Variants in TMEM132D observed in about 807,000 individuals in gnomAD.
TMEM132D encodes transmembrane protein 132D, also known as mature OL transmembrane protein.
A neutral mutation model predicts 62.3 loss-of-function variants in TMEM132D; 21 were observed. That is an observed-to-expected ratio of 0.34 (90% confidence interval 0.24 to 0.49). TMEM132D has a LOEUF of 0.49. Ranked by LOEUF, TMEM132D falls within the 20% of genes least tolerant of loss-of-function variation. TMEM132D has a pLI of 0.99. For missense variants in TMEM132D, 1,346 were observed against 1,402.8 expected (o/e 0.96, Z 0.65); for synonymous variants, 621 against 575.6 (o/e 1.08, Z -1.13).
intron 1 of TMEM132D, among the ~76,000 whole-genome samples, chr12:129,806,952 C>T (rs997554754): frequency 3.3e-5 from 5 of 152,080 alleles, no homozygotes; most frequent in African/African-American, 1.2e-4. Flanking sequence ...GAGGATCATT[C>T]AAGCCTGGGA....
chr12:129,196,982 C>T (rs973134610), intron 5 of TMEM132D, among the ~76,000 whole-genome samples: 4 of 152,182 alleles, frequency 2.6e-5, no homozygotes, highest in South Asian at 2.1e-4. Flanking sequence ...AGTCACCACC[C>T]GTGAAGAAAA....
At chr12:129,667,664 T>A (rs981674120) in intron 2 of TMEM132D, among the ~76,000 whole-genome samples, 13 of 152,040 alleles carry the variant, frequency 8.6e-5, no homozygotes, top group Non-Finnish European at 1.8e-4. Flanking sequence ...GCAAAATATT[T>A]TTTTCTAACC....
chr12:129,132,644 C>A (rs142233475), intron 5 of TMEM132D, among the ~76,000 whole-genome samples: 1,888 of 152,286 alleles, frequency 0.012, 38 homozygotes, highest in African/African-American at 0.042. Context: ...AGTGTGTATG[C>A]ATTCAACTTA....
At chr12:129,174,514 T>C (rs1259979888) in intron 5 of TMEM132D, among the ~76,000 whole-genome samples, 3 of 152,246 alleles carry the variant, frequency 2.0e-5, no homozygotes, top group Admixed American at 6.5e-5. Context: ...GACTTTGCTA[T>C]TGTAAATAGT....
At chr12:129,886,082 T>C (rs761347075) in intron 1 of TMEM132D, among the ~76,000 whole-genome samples, 3 of 152,364 alleles carry the variant, frequency 2.0e-5, no homozygotes, top group East Asian at 1.9e-4. Context: ...TTCTTTGGAT[T>C]GGTGTCATTA....
chr12:129,457,693 G>C (rs1217033019), intron 3 of TMEM132D, among the ~76,000 whole-genome samples: 3 of 152,074 alleles, frequency 2.0e-5, no homozygotes. Flanking sequence ...TGTCGGAAGG[G>C]CAAAGAAAAA....
intron 1 of TMEM132D, among the ~76,000 whole-genome samples, chr12:129,865,034 T>A (rs1874014702): frequency 1.3e-5 from 2 of 152,266 alleles, no homozygotes; most frequent in Non-Finnish European, 2.9e-5. Flanking sequence ...CAGAACTTAT[T>A]TTCCAGTGGA....
intron 3 of TMEM132D, among the ~76,000 whole-genome samples, chr12:129,463,443 T>G (rs909979624): frequency 1.2e-4 from 11 of 89,850 alleles, no homozygotes; most frequent in African/African-American, 3.3e-4. Flanking sequence ...CTGTCCTATT[T>G]ATTTATTTAT....
intron 1 of TMEM132D, among the ~76,000 whole-genome samples, chr12:129,728,026 T>C (rs1480538556): frequency 2.0e-5 from 3 of 152,182 alleles, no homozygotes; most frequent in Non-Finnish European, 4.4e-5. Flanking sequence ...CATTATGCTG[T>C]CTCTATTTTT....
intron 3 of TMEM132D, among the ~76,000 whole-genome samples, chr12:129,382,207 T>C (rs1870972588): frequency 6.6e-6 from 1 of 152,244 alleles, no homozygotes; most frequent in Non-Finnish European, 1.5e-5. Context: ...GAGACTGGTT[T>C]ACAAGGCTCT....
intron 2 of TMEM132D, among the ~76,000 whole-genome samples, chr12:129,548,923 G>A (rs1226197696): frequency 6.6e-6 from 1 of 152,258 alleles, no homozygotes; most frequent in Non-Finnish European, 1.5e-5. Flanking sequence ...TAGCTCACCT[G>A]AGTAGACTGC....
At chr12:129,202,454 G>A (rs1287422650) in intron 5 of TMEM132D, among the ~76,000 whole-genome samples, 1 of 152,230 alleles carries the variant, frequency 6.6e-6, no homozygotes, top group Non-Finnish European at 1.5e-5. Context: ...ATTGGTGGAT[G>A]TAAAATAAAT....
intron 1 of TMEM132D, among the ~76,000 whole-genome samples, chr12:129,839,777 C>A (rs1196561847): frequency 6.6e-6 from 1 of 152,172 alleles, no homozygotes; most frequent in African/African-American, 2.4e-5. Flanking sequence ...GGAGCTTCAA[C>A]AGAGGCGATC....
intron 1 of TMEM132D, among the ~76,000 whole-genome samples, chr12:129,717,931 G>A (rs1868651910): frequency 6.6e-6 from 1 of 152,160 alleles, no homozygotes; most frequent in African/African-American, 2.4e-5. Context: ...AGTGAGCCGT[G>A]CTGGTCGCCA....
intron 1 of TMEM132D, among the ~76,000 whole-genome samples, chr12:129,896,125 G>C (rs1425356620): frequency 6.9e-6 from 1 of 145,842 alleles, no homozygotes; most frequent in African/African-American, 2.7e-5. Flanking sequence ...ACACACCACT[G>C]CACCTGGCTC....
chr12:129,388,395 G>T (rs1306994133), intron 3 of TMEM132D, among the ~76,000 whole-genome samples: 15 of 94,618 alleles, frequency 1.6e-4, no homozygotes, highest in Middle Eastern at 7.6e-3. Flanking sequence ...ACACTAACAC[G>T]AATCCTAATA....
At chr12:129,367,478 G>T (rs1870452948) in intron 3 of TMEM132D, among the ~76,000 whole-genome samples, 1 of 152,026 alleles carries the variant, frequency 6.6e-6, no homozygotes, top group Non-Finnish European at 1.5e-5. Flanking sequence ...ATGGACCCAG[G>T]TTGTCCCAAA....
chr12:129,216,464 G>A (rs1395300134), intron 4 of TMEM132D, among the ~76,000 whole-genome samples: 4 of 152,180 alleles, frequency 2.6e-5, no homozygotes, highest in Non-Finnish European at 5.9e-5. Context: ...CAGGGAGGAT[G>A]GCACAGGAAG....
At chr12:129,713,804 C>A (rs1240839840) in intron 1 of TMEM132D, among the ~76,000 whole-genome samples, 2 of 152,198 alleles carry the variant, frequency 1.3e-5, no homozygotes, top group Non-Finnish European at 2.9e-5. Flanking sequence ...GTGGCTGGGC[C>A]CCACCCCCAG....
Sources: gnomAD v4.1 joint callset for allele counts (sites outside exome capture counted in the v4.1 genomes callset) on GRCh38, gnomAD v4.1.1 for gene constraint, MANE v1.5 for transcripts, NCBI Gene and HGNC (gene_info 2026-07-23, HGNC 2026-07-21) for gene names.